The following FMNL2 variants were observed in gnomAD, a reference collection of about 807,000 sequenced individuals.
The protein encoded by FMNL2 is formin like 2, also known as formin-like protein 2.
In FMNL2, 51 loss-of-function variants were observed where a neutral mutation model predicts 130.2. The observed-to-expected ratio is 0.39, with a 90% CI of 0.31 to 0.49. The LOEUF (loss-of-function observed/expected upper bound fraction) is 0.49. FMNL2 is among the 20% of genes least tolerant of loss of function. The probability of loss-of-function intolerance (pLI) is 0.85; values close to 1 mark genes in which losing one functional copy is unlikely to be tolerated. For missense variants in FMNL2, 977 were observed against 1,316.2 expected (o/e 0.74, Z 3.99); for synonymous variants, 465 against 467.1 (o/e 1.00, Z 0.06).
At chr2:152,620,106 T>C (rs1699177726) in intron 15 of FMNL2, among the ~76,000 whole-genome samples, 1 of 152,132 alleles carries the variant, frequency 6.6e-6, no homozygotes, top group South Asian at 2.1e-4. Flanking sequence ...CATTGAGTGC[T>C]TCTGGATCTT....
At chr2:152,598,763 G>T (rs950148291) in intron 9 of FMNL2, among the ~76,000 whole-genome samples, 4 of 152,190 alleles carry the variant, frequency 2.6e-5, no homozygotes, top group Non-Finnish European at 5.9e-5. Context: ...AGAAATGGGG[G>T]TGTATTAGGG....
chr2:152,545,999 CTGT>C (rs1407779760), intron 3 of FMNL2, among the ~76,000 whole-genome samples: 1 of 152,134 alleles, frequency 6.6e-6, no homozygotes, highest in Non-Finnish European at 1.5e-5. Context: ...AGCGCTGCTG[CTGT>C]TATTATTACC....
At chr2:152,461,357 C>CT (rs200277159) in intron 1 of FMNL2, among the ~76,000 whole-genome samples, 25 of 119,696 alleles carry the variant, frequency 2.1e-4, no homozygotes, top group African/African-American at 7.8e-4. Context: ...AGATATTTTA[C>CT]TTTTTTTTAA....
At chr2:152,583,028 G>A (rs1391348781) in intron 9 of FMNL2, among the ~76,000 whole-genome samples, 1 of 152,150 alleles carries the variant, frequency 6.6e-6, no homozygotes, top group Admixed American at 6.5e-5. Flanking sequence ...TAGGCCCACA[G>A]ATACTTGCAG....
chr2:152,629,588 C>T, intron 18 of FMNL2, 68 bp from the exon 19 acceptor site: 2 of 1,409,540 alleles, frequency 1.4e-6, no homozygotes, highest in East Asian at 5.0e-5. Flanking sequence ...TTAATATTTA[C>T]TTGCCAATTA....
chr2:152,565,497 A>G (rs559940985), intron 6 of FMNL2, among the ~76,000 whole-genome samples: 1 of 152,268 alleles, frequency 6.6e-6, no homozygotes, highest in Non-Finnish European at 1.5e-5. Context: ...ATAAGACAGA[A>G]ACCAAGATTC....
At chr2:152,584,582 G>A (rs1696965437) in intron 9 of FMNL2, among the ~76,000 whole-genome samples, 1 of 152,166 alleles carries the variant, frequency 6.6e-6, no homozygotes, top group South Asian at 2.1e-4. Context: ...AACGCAATAT[G>A]GAACCAGATG....
At chr2:152,416,030 G>A (rs1558844396) in intron 1 of FMNL2, among the ~76,000 whole-genome samples, 1 of 152,260 alleles carries the variant, frequency 6.6e-6, no homozygotes, top group East Asian at 1.9e-4. Flanking sequence ...TGGCCTCACT[G>A]AGTTTTGGAA....
intron 17 of FMNL2, 73 bp downstream of exon 17, chr2:152,626,800 G>A (rs1681818452): frequency 7.0e-7 from 1 of 1,428,470 alleles, no homozygotes; most frequent in Admixed American, 2.3e-5. Flanking sequence ...ATTAGTAGAT[G>A]ACAAATATTT....
At chr2:152,575,452 AAAAAAAAAACAG>A (rs1325426754) in intron 7 of FMNL2, among the ~76,000 whole-genome samples, 3 of 8,818 alleles carry the variant, frequency 3.4e-4, no homozygotes, top group Non-Finnish European at 8.2e-4. Context: ...CAACCAAACA[AAAAAAAAAACAG>A]ACTCAGATTT....
At chr2:152,559,566 A>C (rs539716775) in intron 5 of FMNL2, among the ~76,000 whole-genome samples, 6 of 152,108 alleles carry the variant, frequency 3.9e-5, no homozygotes, top group Non-Finnish European at 4.4e-5. Context: ...GGCCTCCCCA[A>C]AGTGTTGGGA....
chr2:152,512,612 C>T (rs769245511), intron 1 of FMNL2, among the ~76,000 whole-genome samples: 34 of 152,068 alleles, frequency 2.2e-4, no homozygotes, highest in Non-Finnish European at 3.1e-4. Flanking sequence ...TTAATGAACT[C>T]CTGTTTATTT....
intron 1 of FMNL2, among the ~76,000 whole-genome samples, chr2:152,475,187 A>G (rs1292232703): frequency 6.6e-6 from 1 of 152,258 alleles, no homozygotes; most frequent in African/African-American, 2.4e-5. Flanking sequence ...GTGATAGAAT[A>G]CTGGAAAATT....
At chr2:152,450,164 G>T (rs1224228341) in intron 1 of FMNL2, among the ~76,000 whole-genome samples, 1 of 152,030 alleles carries the variant, frequency 6.6e-6, no homozygotes, top group East Asian at 1.9e-4. Context: ...CAAATATATT[G>T]CAGAAAATTA....
rs764888699 is a variant in FMNL2 at position 152,581,389 on chromosome 2, C to T, written c.876+340C>T. ...TATTGGCACTTGATCGTCCACCATG[C>T]AAATTTTATGAACTCTTTCATCACA... On this transcript the variant is annotated intron_variant, in intron 9 of 25. Transcript: ENST00000288670. 1.3e-3 allele frequency among the ~76,000 whole-genome samples: 201 copies of T among 152,254 alleles called. 1 individual carries two copies. The highest frequency in any genetic ancestry group is 1.8e-3 in the Admixed American group (27 of 15,294).
intron 1 of FMNL2, among the ~76,000 whole-genome samples, chr2:152,433,888 G>C (rs1465870513): frequency 6.6e-6 from 1 of 152,192 alleles, no homozygotes; most frequent in East Asian, 1.9e-4. Context: ...GTAGTCTGGA[G>C]AAAATCTTTG....
intron 1 of FMNL2, among the ~76,000 whole-genome samples, chr2:152,472,554 A>G (rs1251301745): frequency 6.6e-6 from 1 of 152,216 alleles, no homozygotes; most frequent in African/African-American, 2.4e-5. Flanking sequence ...TGCTTTGACT[A>G]TGGGATACTG....
intron 1 of FMNL2, among the ~76,000 whole-genome samples, chr2:152,488,158 C>A (rs925048315): frequency 6.6e-6 from 1 of 152,144 alleles, no homozygotes; most frequent in Non-Finnish European, 1.5e-5. Flanking sequence ...AATGAATAGG[C>A]CCTATGCTGG....
At chr2:152,610,810 G>A (rs1698635293) in intron 10 of FMNL2, among the ~76,000 whole-genome samples, 3 of 152,088 alleles carry the variant, frequency 2.0e-5, no homozygotes, top group South Asian at 2.1e-4. Flanking sequence ...ATCTAGAAGC[G>A]GAATCGCTGG....
Sources: allele counts gnomAD v4.1 joint callset (sites outside exome capture counted in the v4.1 genomes callset), GRCh38; gene constraint gnomAD v4.1.1; transcripts MANE v1.5; gene names NCBI Gene and HGNC (gene_info 2026-07-23, HGNC 2026-07-21).